The following LARGE1 variants were observed in gnomAD, a reference collection of about 807,000 sequenced individuals.
LARGE1 encodes xylosyl- and glucuronyltransferase LARGE1.
LARGE1 carries 43 observed loss-of-function variants against 87.6 expected under a neutral mutation model. That is an observed-to-expected ratio of 0.49 (90% CI 0.38 to 0.63). The LOEUF is 0.63. LARGE1 is among the 30% of genes least tolerant of loss of function. The probability of loss-of-function intolerance (pLI) is 0.00; values close to 1 mark genes in which losing one functional copy is unlikely to be tolerated. For missense variants in LARGE1, 802 were observed against 1,000.2 expected, an observed-to-expected ratio of 0.80 and a Z score of 2.67; for synonymous variants, 434 against 394.6, an observed-to-expected ratio of 1.10 and a Z score of -1.18.
At chr22:33,191,098 G>C (rs1022093297) in intron 11 of LARGE1, among the ~76,000 whole-genome samples, 1 of 152,160 alleles carries the variant, frequency 6.6e-6, no homozygotes, top group South Asian at 2.1e-4. Context: ...GTGTAGCATA[G>C]TTGACAGTTT....
At chr22:33,396,361 A>C (rs62225270) in intron 7 of LARGE1, among the ~76,000 whole-genome samples, 273 of 152,318 alleles carry the variant, frequency 1.8e-3, no homozygotes, top group Middle Eastern at 0.014. Context: ...ACTTTTGATC[A>C]TATAAATGAA....
chr22:33,801,599 A>T (rs1449703244), intron 1 of LARGE1, among the ~76,000 whole-genome samples: 1 of 152,154 alleles, frequency 6.6e-6, no homozygotes, highest in Non-Finnish European at 1.5e-5. Flanking sequence ...TCAGGATACG[A>T]GTCCTCTGTC....
intron 6 of LARGE1, among the ~76,000 whole-genome samples, chr22:33,497,213 C>T (rs528404578): frequency 6.6e-6 from 1 of 152,100 alleles, no homozygotes; most frequent in South Asian, 2.1e-4. Context: ...ACAGCTGGGA[C>T]TACAAGTGCA....
intron 1 of LARGE1, among the ~76,000 whole-genome samples, chr22:33,795,407 T>C (rs1308167532): frequency 1.3e-5 from 2 of 152,120 alleles, no homozygotes; most frequent in Non-Finnish European, 2.9e-5. Flanking sequence ...AACGGATCTA[T>C]GTATAAGAAG....
In LARGE1 at chr22:33,843,508, G is replaced by A. The variant is rs138321977; in HGVS notation, c.-83+76487C>T. Among the ~76,000 whole-genome samples the A allele has an allele frequency of 3.8e-3, 579 of 152,016 alleles. 2 individuals are homozygous for A. The highest frequency in any genetic ancestry group is 7.0e-3 in the Non-Finnish European group (474 of 67,970). On this transcript the variant is annotated intron_variant, in intron 1 of 14. Transcript: ENST00000397394. ...AAAGAGGTCTCAACAGAGGTAGACA[G>A]GGAAAGAGTAGCGGATGCAGGAAGA...
At position 33,609,397 on chromosome 22, in the gene LARGE1, G is replaced by A. The variant is rs139701873; in HGVS notation, c.492-4839C>T. ...AACAACCTGCACAACCATATATGAC[G>A]ACTCTACAAGGAGGAGCACAAAAGC... On this transcript the variant is annotated intron_variant, in intron 4 of 14. Transcript: ENST00000397394. Among the ~76,000 whole-genome samples, 15 of 152,280 alleles carry A rather than the reference G, an allele frequency of 9.9e-5. No individual in the cohort carries two copies. In the East Asian group the frequency reaches 2.7e-3, roughly 27 times the overall value.
chr22:33,678,713 G>C (rs2081653554), intron 2 of LARGE1, among the ~76,000 whole-genome samples: 1 of 152,114 alleles, frequency 6.6e-6, no homozygotes, highest in African/African-American at 2.4e-5. Context: ...GGAGAGTGTG[G>C]GTAAGATGAC....
rs112161695 is a variant in LARGE1, at chr22:33,604,862, G to C, written c.492-304C>G. ...TAGGATTCATTTTTTTCTGAAAGCC[G>C]TAAGTAGAGCATGTGTTAACAATTT... is the stretch of plus-strand genomic sequence containing the variant. On this transcript the variant is annotated intron_variant, in intron 4 of 14. Coordinates refer to ENST00000397394, the MANE Select transcript of LARGE1 (RefSeq NM_133642.5). 1.5e-3 allele frequency among the ~76,000 whole-genome samples: 223 copies of C among 152,168 alleles called. 1 individual carries two copies. The highest frequency in any genetic ancestry group is 5.2e-3 in the African/African-American group (214 of 41,536).
intron 6 of LARGE1, among the ~76,000 whole-genome samples, chr22:33,524,871 T>A (rs1408157265): frequency 1.3e-5 from 2 of 152,202 alleles, no homozygotes; most frequent in African/African-American, 4.8e-5. Flanking sequence ...GTCCCATGTT[T>A]ATCTACTGAA....
chr22:33,719,263 A>C (rs947099843), intron 2 of LARGE1, among the ~76,000 whole-genome samples: 2 of 152,224 alleles, frequency 1.3e-5, no homozygotes, highest in Admixed American at 1.3e-4. Flanking sequence ...AAAGTTTATA[A>C]AGTAAAAAAG....
intron 6 of LARGE1, among the ~76,000 whole-genome samples, chr22:33,444,042 A>G (rs1331599709): frequency 6.6e-6 from 1 of 152,206 alleles, no homozygotes; most frequent in Non-Finnish European, 1.5e-5. Flanking sequence ...ACTTACTATT[A>G]TTAGTGTCTA....
intron 1 of LARGE1, among the ~76,000 whole-genome samples, chr22:33,793,036 G>A (rs1315129048): frequency 1.3e-5 from 2 of 152,220 alleles, no homozygotes; most frequent in Admixed American, 6.5e-5. Flanking sequence ...AGGAGGAGAC[G>A]GAGGCAGGGA....
chr22:33,716,373 A>C (rs1465800002), intron 2 of LARGE1, among the ~76,000 whole-genome samples: 1 of 152,144 alleles, frequency 6.6e-6, no homozygotes, highest in Non-Finnish European at 1.5e-5. Context: ...TTTGTTCAGA[A>C]ATTTTTTTGT....
chr22:33,079,473 C>T, the LARGE1 span, among the ~76,000 whole-genome samples: 4 of 152,040 alleles, frequency 2.6e-5, no homozygotes, highest in Non-Finnish European at 4.4e-5. Context: ...ATGACCTGCC[C>T]GTCTTGGCCT....
chr22:33,108,408 A>G, the LARGE1 span: 1 of 151,872 alleles, frequency 6.6e-6, no homozygotes, highest in Non-Finnish European at 1.5e-5. Context: ...GGCATAGAAG[A>G]AGGAGTGGTT....
chr22:33,701,072 G>C (rs776271978), intron 2 of LARGE1, among the ~76,000 whole-genome samples: 29 of 152,276 alleles, frequency 1.9e-4, no homozygotes, highest in Middle Eastern at 3.4e-3. Context: ...CTGCAGTTGT[G>C]TCTTCTTGAG....
intron 1 of LARGE1, among the ~76,000 whole-genome samples, chr22:33,885,799 G>A (rs2064827799): frequency 6.6e-6 from 1 of 152,162 alleles, no homozygotes; most frequent in African/African-American, 2.4e-5. Context: ...GGGAGGCCGA[G>A]GCAGGTGGAT....
At chr22:33,071,791 T>C in the LARGE1 span, among the ~76,000 whole-genome samples, 2 of 152,182 alleles carry the variant, frequency 1.3e-5, no homozygotes, top group Non-Finnish European at 2.9e-5. Context: ...TTACTTCTGA[T>C]GTCCAGGGGC....
At chr22:33,839,806 G>A (rs1306985387) in intron 1 of LARGE1, among the ~76,000 whole-genome samples, 1 of 152,204 alleles carries the variant, frequency 6.6e-6, no homozygotes, top group East Asian at 1.9e-4. Flanking sequence ...CCAGGTATGA[G>A]GCACTTTGAC....
Sources: gnomAD v4.1 joint callset for allele counts (sites outside exome capture counted in the v4.1 genomes callset) on GRCh38, gnomAD v4.1.1 for gene constraint, MANE v1.5 for transcripts, NCBI Gene and HGNC (gene_info 2026-07-23, HGNC 2026-07-21) for gene names.